Variants in DPH6 observed in about 807,000 individuals in gnomAD.
DPH6 encodes diphthine--ammonia ligase.
In DPH6, 33 loss-of-function variants were observed where a neutral mutation model predicts 38.2. That is an observed-to-expected ratio of 0.86 (90% CI 0.65 to 1.15). The LOEUF (loss-of-function observed/expected upper bound fraction) is 1.15. Among genes scored for constraint, DPH6 ranks in the 50% most tolerant of loss-of-function variants. DPH6 has a pLI of 0.00. For synonymous variants in DPH6, 108 were observed against 103.0 expected (o/e 1.05, Z -0.30); for missense variants, 325 against 320.0 (o/e 1.02, Z -0.12).
intron 3 of DPH6, among the ~76,000 whole-genome samples, chr15:35,336,919 T>C (rs1021659505): frequency 6.6e-6 from 1 of 152,108 alleles, no homozygotes; most frequent in African/African-American, 2.4e-5. Context: ...TTTTTGGTTG[T>C]GTCTCTGCCT....
At chr15:35,425,001 T>A (rs2053550776) in intron 5 of DPH6, among the ~76,000 whole-genome samples, 1 of 151,564 alleles carries the variant, frequency 6.6e-6, no homozygotes, top group African/African-American at 2.4e-5. Context: ...CTTATCTGGT[T>A]CTCATGTAAA....
chr15:35,536,011 T>C (rs1250812455), intron 3 of DPH6, among the ~76,000 whole-genome samples: 1 of 152,102 alleles, frequency 6.6e-6, no homozygotes, highest in African/African-American at 2.4e-5. Context: ...AGCTGTAACC[T>C]GTTATAAATA....
At chr15:35,401,377 G>A (rs1202384920) in intron 6 of DPH6, 4 of 750,476 alleles carry the variant, frequency 5.3e-6, no homozygotes, top group African/African-American at 5.1e-5. Flanking sequence ...CAGTGGGAAT[G>A]GCTATAATGA....
chr15:35,539,281 T>C (rs982017676), intron 2 of DPH6, among the ~76,000 whole-genome samples: 2 of 152,068 alleles, frequency 1.3e-5, no homozygotes, highest in African/African-American at 4.8e-5. Context: ...TTATTTATAA[T>C]AGACTAGAAA....
At chr15:35,248,699 T>C (rs2051651911) in intron 3 of DPH6, among the ~76,000 whole-genome samples, 1 of 152,216 alleles carries the variant, frequency 6.6e-6, no homozygotes, top group Non-Finnish European at 1.5e-5. Flanking sequence ...GTCTTTATTG[T>C]AGGGGTGTCA....
intron 6 of DPH6, chr15:35,401,823 G>A (rs16973742): frequency 0.011 from 6,199 of 557,210 alleles, 319 homozygotes; most frequent in African/African-American, 0.1. Flanking sequence ...AGTTGACAGC[G>A]AAACTACAGG....
intron 3 of DPH6, among the ~76,000 whole-genome samples, chr15:35,304,705 T>C (rs1260173511): frequency 6.6e-6 from 1 of 152,028 alleles, no homozygotes; most frequent in Non-Finnish European, 1.5e-5. Flanking sequence ...ATTTTTATTT[T>C]TGAAGTGACA....
rs139659230 is a variant in DPH6, at chr15:35,479,534, C to T, written c.313-24714G>A. 5.0e-3 allele frequency among the ~76,000 whole-genome samples: 757 copies of T among 152,192 alleles called. 3 individuals are homozygous for T. Among genetic ancestry groups the T allele is most frequent in the Admixed American group, 9.8e-3 (150 of 15,244 alleles). On this transcript the variant is annotated intron_variant, in intron 3 of 8. Coordinates refer to ENST00000256538, the MANE Select transcript of DPH6 (RefSeq NM_080650.4). ...AACCCTGGTTAAAGTTAGGTTAAGA[C>T]TCCTCCTCCAAGACTTCTACAAATT... is the stretch of plus-strand genomic sequence containing the variant.
intron 3 of DPH6, among the ~76,000 whole-genome samples, chr15:35,288,509 C>T (rs2051958508): frequency 6.6e-6 from 1 of 152,044 alleles, no homozygotes; most frequent in Non-Finnish European, 1.5e-5. Flanking sequence ...TACAATGACC[C>T]TACTTTCTCT....
intron 8 of DPH6, 34 bp from the exon 9 acceptor site, chr15:35,372,237 T>G: frequency 4.9e-5 from 70 of 1,419,280 alleles, no homozygotes; most frequent in Non-Finnish European, 5.6e-5. Context: ...GGAAGGAAAA[T>G]GCACCATATT....
intron 6 of DPH6, among the ~76,000 whole-genome samples, chr15:35,390,358 C>G (rs1461546140): frequency 6.6e-6 from 1 of 152,032 alleles, no homozygotes; most frequent in African/African-American, 2.4e-5. Flanking sequence ...TTGTGGTGTT[C>G]TCTGTATTTC....
chr15:35,358,653 C>T (rs1444586041), intron 3 of DPH6, among the ~76,000 whole-genome samples: 1 of 152,154 alleles, frequency 6.6e-6, no homozygotes, highest in Non-Finnish European at 1.5e-5. Flanking sequence ...TGTTGTCTCT[C>T]TTCTGGGTCT....
intron 3 of DPH6, among the ~76,000 whole-genome samples, chr15:35,246,223 G>A (rs2051637135): frequency 6.6e-6 from 1 of 152,182 alleles, no homozygotes; most frequent in African/African-American, 2.4e-5. Flanking sequence ...CACACAAAGC[G>A]TGTTTGGTGG....
At position 35,377,147 on chromosome 15, in the gene DPH6, A is replaced by G. The variant is rs144353329; in HGVS notation, c.663-3539T>C. 3.0e-3 allele frequency among the ~76,000 whole-genome samples: 453 copies of G among 152,330 alleles called. 1 individual carries two copies. The highest frequency in any genetic ancestry group is 1.0e-2 in the African/African-American group (414 of 41,578). On this transcript the variant is annotated intron_variant, in intron 7 of 8. Coordinates refer to ENST00000256538, the MANE Select transcript of DPH6 (RefSeq NM_080650.4). ...ATACAGAATCAATGTAAGAAGGCAA[A>G]TAAAGTATTTGCTTTATACTCATTT...
intron 3 of DPH6, among the ~76,000 whole-genome samples, chr15:35,334,789 T>G (rs559287358): frequency 1.3e-5 from 2 of 152,362 alleles, no homozygotes; most frequent in African/African-American, 4.8e-5. Flanking sequence ...TACCAGATTT[T>G]CTTTATCCAG....
chr15:35,408,472 A>G (rs1216022731), intron 6 of DPH6, among the ~76,000 whole-genome samples: 2 of 152,106 alleles, frequency 1.3e-5, no homozygotes, highest in East Asian at 3.9e-4. Flanking sequence ...AATTTGTGGT[A>G]TCTGTGGGCA....
chr15:35,540,629 T>G (rs2055238661), intron 2 of DPH6, among the ~76,000 whole-genome samples: 1 of 152,110 alleles, frequency 6.6e-6, no homozygotes, highest in South Asian at 2.1e-4. Flanking sequence ...CTTCAGAATA[T>G]TCTAATTCTA....
At chr15:35,322,432 G>A (rs913384286) in intron 3 of DPH6, among the ~76,000 whole-genome samples, 1 of 152,214 alleles carries the variant, frequency 6.6e-6, no homozygotes, top group South Asian at 2.1e-4. Flanking sequence ...AGGATGGCTT[G>A]GAGGTTAGAA....
chr15:35,399,998 C>T, intron 6 of DPH6, among the ~76,000 whole-genome samples: 1 of 152,184 alleles, frequency 6.6e-6, no homozygotes, highest in East Asian at 1.9e-4. Context: ...TGAGCACATG[C>T]TCCAATGTTA....
Sources: allele counts gnomAD v4.1 joint callset (sites outside exome capture counted in the v4.1 genomes callset), GRCh38; gene constraint gnomAD v4.1.1; transcripts MANE v1.5; gene names NCBI Gene and HGNC (gene_info 2026-07-23, HGNC 2026-07-21).